MOBP: variants seen among roughly 807,000 people sequenced by gnomAD.
MOBP encodes the protein myelin associated oligodendrocyte basic protein.
A neutral mutation model predicts 15.0 loss-of-function variants in MOBP; 5 were observed. The ratio of observed to expected loss-of-function variants is 0.33; its 90% CI spans 0.17 to 0.70. MOBP has a LOEUF of 0.70. Among genes scored for constraint, MOBP ranks in the 30% least tolerant of loss-of-function variants. MOBP has a pLI of 0.67. For synonymous variants in MOBP, 88 were observed against 99.0 expected (o/e 0.89, Z 0.66); for missense variants, 188 against 257.8 (o/e 0.73, Z 1.85).
intron 4 of MOBP, among the ~76,000 whole-genome samples, chr3:39,512,612 C>T (rs912839975): frequency 2.0e-5 from 3 of 152,110 alleles, no homozygotes; most frequent in Non-Finnish European, 4.4e-5. Flanking sequence ...AATTTTATTT[C>T]TAATATTAAA....
chr3:39,486,005 A>G (rs2042702072), intron 2 of MOBP, among the ~76,000 whole-genome samples: 1 of 152,182 alleles, frequency 6.6e-6, no homozygotes. Flanking sequence ...ATACGTTTAT[A>G]TGTTGGAATA....
At chr3:39,514,212 C>A (rs1179547043) in exon 5 of MOBP, 1 of 152,242 alleles carries the variant, frequency 6.6e-6, no homozygotes, top group East Asian at 1.9e-4. Context: ...GAGAGCAAGT[C>A]CTCGAAGGCA....
At chr3:39,493,012 A>G (rs1483248436) in intron 2 of MOBP, among the ~76,000 whole-genome samples, 1 of 152,182 alleles carries the variant, frequency 6.6e-6, no homozygotes, top group Non-Finnish European at 1.5e-5. Flanking sequence ...TGAAGGGGCA[A>G]GTGGGCTGCA....
downstream of MOBP, among the ~76,000 whole-genome samples, chr3:39,504,786 T>G (rs1473485684): frequency 1.3e-5 from 2 of 152,244 alleles, no homozygotes; most frequent in East Asian, 3.8e-4. Context: ...GGGAGGCAGG[T>G]TGATGTGATG....
At chr3:39,485,360 A>C (rs2042686907) in intron 2 of MOBP, among the ~76,000 whole-genome samples, 1 of 152,160 alleles carries the variant, frequency 6.6e-6, no homozygotes, top group Non-Finnish European at 1.5e-5. Flanking sequence ...GTAAATCTAC[A>C]CTCAGAAGAA....
intron 1 of MOBP, among the ~76,000 whole-genome samples, chr3:39,477,204 C>T (rs1316219673): frequency 6.6e-6 from 1 of 152,066 alleles, no homozygotes; most frequent in African/African-American, 2.4e-5. Flanking sequence ...TGGTTAACAG[C>T]CTCTTAGCAA....
chr3:39,518,522 C>T (rs1003464854), downstream of MOBP, among the ~76,000 whole-genome samples: 10 of 152,140 alleles, frequency 6.6e-5, no homozygotes, highest in South Asian at 4.2e-4. Context: ...ATCTACCCTT[C>T]ATGCAGAAAG....
downstream of MOBP, among the ~76,000 whole-genome samples, chr3:39,520,949 T>TC (rs5848516): frequency 4.1e-5 from 3 of 73,734 alleles, no homozygotes; most frequent in African/African-American, 4.4e-4. Flanking sequence ...CTCTATATTC[T>TC]TTTTTTTTTT....
At chr3:39,486,540 TC>T (rs2042713572) in intron 2 of MOBP, among the ~76,000 whole-genome samples, 1 of 152,208 alleles carries the variant, frequency 6.6e-6, no homozygotes, top group East Asian at 1.9e-4. Flanking sequence ...ATACTATACT[TC>T]CAGCTTACCC....
chr3:39,484,979 T>G (rs890853534), intron 2 of MOBP, among the ~76,000 whole-genome samples: 1 of 152,248 alleles, frequency 6.6e-6, no homozygotes, highest in Non-Finnish European at 1.5e-5. Flanking sequence ...TGTCCCCACA[T>G]GGGCCTTCAA....
chr3:39,490,627 A>C (rs58680386), intron 2 of MOBP, among the ~76,000 whole-genome samples: 20,756 of 152,032 alleles, frequency 0.14, 1,566 homozygotes, highest in Middle Eastern at 0.2. Context: ...CAGTGGCGTG[A>C]TCTTGGCTCA....
At chr3:39,490,787 G>A (rs898180521) in intron 2 of MOBP, among the ~76,000 whole-genome samples, 2 of 152,048 alleles carry the variant, frequency 1.3e-5, no homozygotes, top group African/African-American at 4.8e-5. Flanking sequence ...GGTCTCGAAC[G>A]CTTGACCTTG....
chr3:39,524,047 A>C (rs778241509), intron 3 of MOBP, among the ~76,000 whole-genome samples: 13 of 152,210 alleles, frequency 8.5e-5, no homozygotes, highest in Middle Eastern at 3.2e-3. Context: ...TTCTGAGGGA[A>C]TATCATAAAG....
chr3:39,507,161 T>C (rs1223794870), downstream of MOBP, among the ~76,000 whole-genome samples: 2 of 152,212 alleles, frequency 1.3e-5, no homozygotes, highest in Non-Finnish European at 2.9e-5. Flanking sequence ...TCATTGACAT[T>C]AATATGTGAG....
chr3:39,502,892 C>G lies in MOBP; in HGVS notation c.*12C>G. 1 of 1,114,676 alleles carries G rather than the reference C, an allele frequency of 9.0e-7. No homozygotes were observed. The allele number at this position is 1,114,676 out of a possible 1,614,324, so 69.0% of individuals were successfully genotyped here. A position where few individuals can be genotyped will look rare whatever the true frequency, so the allele number is the denominator to read the frequency against. On this transcript the variant is annotated 3_prime_UTR_variant, in exon 4 of 4. Coordinates refer to ENST00000684792, the MANE Select transcript of MOBP (RefSeq NM_001393704.1). This position sits in a 1 kb window ranked among gnomAD's most constrained non-coding sequence, Gnocchi z 6.3. ...CTAGGTTCTGGTAACACCATCTCTT[C>G]CCTTTTGTTCCCCAGCCCTAAGGTT...
chr3:39,511,951 T>C (rs1167946506), intron 4 of MOBP, among the ~76,000 whole-genome samples: 1 of 152,222 alleles, frequency 6.6e-6, no homozygotes, highest in African/African-American at 2.4e-5. Flanking sequence ...TAAGTACTTA[T>C]TCTAAGTCAC....
In MOBP at chr3:39,468,796, ATATATACATATGTGTGTG is replaced by A. The variant is rs2042389603; in HGVS notation, c.-89+1061_-89+1078del. On this transcript the variant is annotated intron_variant, in intron 1 of 3. Transcript: ENST00000684792. ...TATATACATATATACATGTGTGTGT[ATATATACATATGTGTGTG>A]TATACATATTACATATGTGTGTATA... Among the ~76,000 whole-genome samples the A allele has an allele frequency of 3.8e-4, 6 of 15,666 alleles. 1 individual carries two copies. The South Asian group carries it at 7.3e-3, about 19-fold the overall frequency. 10.3% of individuals were successfully genotyped at this position (15,666 alleles called of 152,430 possible).
At chr3:39,506,358 T>C (rs1707966), downstream of MOBP, among the ~76,000 whole-genome samples, 139,578 of 152,214 alleles carry the variant, frequency 0.92, 64,658 homozygotes, top group Middle Eastern at 0.98. Context: ...CTGGAATTCC[T>C]CTTGTGCAGA....
At chr3:39,476,142 G>A (rs2042542745) in intron 1 of MOBP, among the ~76,000 whole-genome samples, 1 of 149,154 alleles carries the variant, frequency 6.7e-6, no homozygotes, top group Non-Finnish European at 1.5e-5. Context: ...AGAGGGAGGA[G>A]GTGCTGCACA....
Sources: allele counts gnomAD v4.1 joint callset (sites outside exome capture counted in the v4.1 genomes callset), GRCh38; gene constraint gnomAD v4.1.1; non-coding constraint Gnocchi (gnomAD v3.1); transcripts MANE v1.5; gene names NCBI Gene and HGNC (gene_info 2026-07-23, HGNC 2026-07-21).